ZFC3H1: variants seen among roughly 807,000 people sequenced by gnomAD.
ZFC3H1 encodes zinc finger C3H1 domain-containing protein.
In ZFC3H1, 71 loss-of-function variants were observed where a neutral mutation model predicts 243.7. The observed-to-expected ratio is 0.29, with a 90% confidence interval of 0.24 to 0.36. ZFC3H1 has a LOEUF of 0.36. Ranked by LOEUF, ZFC3H1 falls within the 10% of genes least tolerant of loss-of-function variation. The pLI is 1.00. For synonymous variants in ZFC3H1, 838 were observed against 813.0 expected, an observed-to-expected ratio of 1.03 and a Z score of -0.52; for missense variants, 1,966 against 2,317.1, an observed-to-expected ratio of 0.85 and a Z score of 3.11.
chr12:71,629,011 T>C lies in ZFC3H1; in HGVS notation c.3853A>G (p.Lys1285Glu). 5 of 1,612,840 alleles carry C rather than the reference T, an allele frequency of 3.1e-6. No individual in the cohort carries two copies. Among genetic ancestry groups the C allele is most frequent in the Non-Finnish European group, 3.4e-6 (4 of 1,179,630 alleles). The change falls in exon 20 of 35, where the codon AAA (lysine) becomes GAA (glutamate). Residue 1285 changes from lysine to glutamate, a missense_variant. Physicochemically the swap from Lys to Glu is moderately conservative, Grantham distance 56 (BLOSUM62 1). This residue lies in a region of ZFC3H1 where 1,383 missense variants were observed against 1,723.7 expected (regional missense o/e 0.80). Coordinates refer to ENST00000378743, the MANE Select transcript of ZFC3H1 (RefSeq NM_144982.5). ...HTPPFTTYKDKRKWKPKFWRK... is the reference protein window; with the variant it reads ...HTPPFTTYKDERKWKPKFWRK... ...CAAAACTTTGGCTTCCACTTTCTTT[T>C]ATCTTTGTAGGTTGTAAATGGAGGA... is the stretch of plus-strand genomic sequence containing the variant.
chr12:71,617,848 T>G (rs747951905), intron 27 of ZFC3H1, among the ~76,000 whole-genome samples: 1 of 152,166 alleles, frequency 6.6e-6, no homozygotes, highest in Non-Finnish European at 1.5e-5. Context: ...AAGGGCCCTT[T>G]GGGAAGGGCA....
At chr12:71,637,827 T>A (rs892266518) in intron 7 of ZFC3H1, among the ~76,000 whole-genome samples, 3 of 152,198 alleles carry the variant, frequency 2.0e-5, no homozygotes, top group African/African-American at 7.2e-5. Context: ...ATTTGATCTC[T>A]AGGTCCTCTC....
chr12:71,627,695 C>T, intron 21 of ZFC3H1, 56 bp downstream of exon 21: 1 of 1,521,842 alleles, frequency 6.6e-7, no homozygotes, highest in Non-Finnish European at 8.9e-7. Flanking sequence ...AAAAAAACCT[C>T]AAACATAAAA....
chr12:71,630,991 A>G, intron 16 of ZFC3H1, 37 bp from the exon 17 acceptor site: 1 of 1,475,772 alleles, frequency 6.8e-7, no homozygotes, highest in Non-Finnish European at 9.0e-7. Flanking sequence ...ATTATGCCCA[A>G]CAAACATTCC....
intron 27 of ZFC3H1, 24 bp downstream of exon 27, chr12:71,619,291 C>A: frequency 1.9e-6 from 3 of 1,604,490 alleles, no homozygotes; most frequent in Non-Finnish European, 2.6e-6. Flanking sequence ...CATTCCTCTA[C>A]AAACTAAGAA....
chr12:71,615,628 TG>T (rs777319589), intron 27 of ZFC3H1, among the ~76,000 whole-genome samples: 1 of 152,120 alleles, frequency 6.6e-6, no homozygotes, highest in Non-Finnish European at 1.5e-5. Context: ...GTGATTCTCA[TG>T]TCTCAGCTTC....
At chr12:71,649,282 G>A (rs572360953) in intron 2 of ZFC3H1, among the ~76,000 whole-genome samples, 3 of 152,040 alleles carry the variant, frequency 2.0e-5, no homozygotes, top group Non-Finnish European at 4.4e-5. Flanking sequence ...AGTTCATTGC[G>A]TGTGTTATAA....
intron 32 of ZFC3H1, chr12:71,611,312 G>T: frequency 3.1e-6 from 1 of 326,874 alleles, no homozygotes; most frequent in Non-Finnish European, 5.3e-6. Context: ...GAAAAAAGCA[G>T]ACCAGTGTTT....
At chr12:71,613,730 T>C (rs770551088) in intron 30 of ZFC3H1, 4 of 222,054 alleles carry the variant, frequency 1.8e-5, no homozygotes, top group Non-Finnish European at 3.5e-5. Context: ...CGGCAAGTCA[T>C]AGGGCTAATA....
intron 30 of ZFC3H1, among the ~76,000 whole-genome samples, chr12:71,613,911 A>G (rs1195030974): frequency 6.6e-6 from 1 of 152,160 alleles, no homozygotes; most frequent in Non-Finnish European, 1.5e-5. Context: ...AAACATATAT[A>G]TGTTTTAGTC....
At chr12:71,650,132 G>A (rs959218667) in intron 2 of ZFC3H1, among the ~76,000 whole-genome samples, 1 of 152,092 alleles carries the variant, frequency 6.6e-6, no homozygotes, top group Non-Finnish European at 1.5e-5. Flanking sequence ...AGCCTGCCGT[G>A]AGCCGAGATC....
chr12:71,618,285 A>C (rs191117666), intron 27 of ZFC3H1, among the ~76,000 whole-genome samples: 424 of 150,458 alleles, frequency 2.8e-3, no homozygotes, highest in Middle Eastern at 6.8e-3. Context: ...AATTAAAAAA[A>C]AAAAACAAAA....
At chr12:71,634,555 A>G in intron 11 of ZFC3H1, 149 bp downstream of exon 11, 1 of 1,034,746 alleles carries the variant, frequency 9.7e-7, no homozygotes, top group Admixed American at 3.1e-5. Context: ...ATGACCATCC[A>G]GCACCATCTT....
In ZFC3H1 at chr12:71,636,500, G is replaced by T. The variant is rs778998882; in HGVS notation, c.2090C>A (p.Thr697Asn). 1.2e-6 allele frequency: 2 copies of T among 1,602,938 alleles called. No individual in the cohort carries two copies. Among genetic ancestry groups the T allele is most frequent in the Admixed American group, 3.5e-5 (2 of 57,084 alleles). Residue 697 changes from threonine (T) to asparagine (N), a missense_variant, in exon 9 of 35, where the codon ACT (threonine) becomes AAT (asparagine). Transcript: ENST00000378743. ...AATTTTTGTTTTTACCGAGATCACAGTTCGTGGAAGACGGGGTCCTCTGTG... is the reference window on the plus strand; with the variant it reads ...AATTTTTGTTTTTACCGAGATCACATTTCGTGGAAGACGGGGTCCTCTGTG... ...KFHRGPRLPR[T>N]VISLPKHKSV... is the part of the protein sequence containing the mutation.
At chr12:71,612,856 A>G (rs1012917803) in intron 31 of ZFC3H1, among the ~76,000 whole-genome samples, 3 of 152,216 alleles carry the variant, frequency 2.0e-5, no homozygotes, top group African/African-American at 4.8e-5. Flanking sequence ...CTGATCGAAT[A>G]TATGAAATCC....
chr12:71,634,279 A>T lies in ZFC3H1; in HGVS notation c.2386T>A (p.Ser796Thr). The T allele has an allele frequency of 6.2e-7, 1 of 1,613,632 alleles. No homozygotes were observed. Among genetic ancestry groups the T allele is most frequent in the Non-Finnish European group, 8.5e-7 (1 of 1,179,850 alleles). Residue 796 changes from serine to threonine, a missense_variant, in exon 12 of 35, where the codon TCA (serine) becomes ACA (threonine). By Grantham distance (58) the Ser-to-Thr change is moderately conservative. Transcript: ENST00000378743. ...GATGAACTTGTCTTCAGCTGATCTG[A>T]TTTAATCAAACGCTGTTTCTCACGG... Reference protein sequence around the residue: ...ANREKQRLIKSDQLKTSSSSP... With the variant: ...ANREKQRLIKTDQLKTSSSSP...
intron 2 of ZFC3H1, 93 bp downstream of exon 2, chr12:71,656,792 A>T: frequency 3.2e-6 from 4 of 1,261,806 alleles, no homozygotes; most frequent in Non-Finnish European, 4.4e-6. Flanking sequence ...ACAGATAATT[A>T]CAATCATTTC....
chr12:71,615,132 AAC>A (rs1206051140), intron 28 of ZFC3H1, 72 bp downstream of exon 28: 4 of 1,294,166 alleles, frequency 3.1e-6, no homozygotes, highest in Admixed American at 2.0e-5. Flanking sequence ...AATTATAACA[AAC>A]ACAGTGTAAT....
rs1880270151 is a variant in ZFC3H1, at chr12:71,629,626, T to C, written c.3809A>G (p.Asn1270Ser). 2 of 1,610,404 alleles carry C rather than the reference T, an allele frequency of 1.2e-6. No homozygotes were observed. The highest frequency in any genetic ancestry group is 2.2e-5 in the East Asian group (1 of 44,830). ...QMAVLLVSNI[N>S]ESKGHTPPFT... ...GTACTTACTATGACCTTTACTTTCA[T>C]TGATATTGCTAACAAGGAGAACAGC... Residue 1270 changes from asparagine to serine, a missense_variant, in exon 19 of 35, where the codon AAT becomes AGT. Around this residue, in one of 4 missense-constraint regions of ZFC3H1, gnomAD observed 1,383 missense variants for 1,723.7 expected, o/e 0.80. Transcript: ENST00000378743.
Sources: allele counts gnomAD v4.1 joint callset (sites outside exome capture counted in the v4.1 genomes callset), GRCh38; gene constraint gnomAD v4.1.1; regional missense constraint gnomAD v4.1.1; transcripts MANE v1.5; gene names NCBI Gene and HGNC (gene_info 2026-07-23, HGNC 2026-07-21).